The following GABRA3 variants were observed in gnomAD, a reference collection of about 807,000 sequenced individuals.
GABRA3 encodes the protein gamma-aminobutyric acid type A receptor subunit alpha3.
In GABRA3, 10 loss-of-function variants were observed where a neutral mutation model predicts 30.1. That is an observed-to-expected ratio of 0.33 (90% CI 0.20 to 0.56). The LOEUF (loss-of-function observed/expected upper bound fraction) is 0.56. GABRA3 is among the 20% of genes least tolerant of loss of function. GABRA3 has a pLI of 0.89. For synonymous variants in GABRA3, 151 were observed against 146.8 expected (o/e 1.03, Z -0.21); for missense variants, 233 against 392.0 (o/e 0.59, Z 3.42).
intron 1 of GABRA3, among the ~76,000 whole-genome samples, chrX:152,410,230 G>A (rs1005254392): frequency 1.8e-5 from 2 of 111,626 alleles, no homozygotes; most frequent in African/African-American, 3.3e-5. Context: ...GAAGGGTTGT[G>A]GGGGGAAGGA....
At chrX:152,384,774 C>A (rs1929250001) in intron 1 of GABRA3, among the ~76,000 whole-genome samples, 1 of 111,958 alleles carries the variant, frequency 8.9e-6, no homozygotes, top group Non-Finnish European at 1.9e-5. Context: ...AAATTCAGAT[C>A]TCTGTTCATT....
At chrX:152,292,284 A>G (rs1939434939) in intron 3 of GABRA3, among the ~76,000 whole-genome samples, 1 of 110,796 alleles carries the variant, frequency 9.0e-6, no homozygotes, top group Admixed American at 9.6e-5. Context: ...TTTCTTTTAG[A>G]TTTTCTAGTT....
At chrX:152,381,823 A>C (rs1302680673) in intron 1 of GABRA3, among the ~76,000 whole-genome samples, 3 of 110,061 alleles carry the variant, frequency 2.7e-5, no homozygotes, top group African/African-American at 9.9e-5. Context: ...TTCTTGTGTT[A>C]GTTTGCTGAG....
At chrX:152,410,496 C>T (rs775523638) in intron 1 of GABRA3, among the ~76,000 whole-genome samples, 1 of 111,326 alleles carries the variant, frequency 9.0e-6, no homozygotes, top group African/African-American at 3.3e-5. Flanking sequence ...ATATGTATAA[C>T]TATCATGTAT....
intron 5 of GABRA3, among the ~76,000 whole-genome samples, chrX:152,229,759 G>A (rs1938031514): frequency 9.0e-6 from 1 of 110,940 alleles, no homozygotes; most frequent in Non-Finnish European, 1.9e-5. Context: ...CACTATGAGT[G>A]AAATATAGAG....
chrX:152,422,358 A>T (rs1266734075), intron 1 of GABRA3, among the ~76,000 whole-genome samples: 1 of 111,148 alleles, frequency 9.0e-6, no homozygotes, highest in Non-Finnish European at 1.9e-5. Flanking sequence ...AACAAGTGAA[A>T]CTACTATAAG....
At chrX:152,382,725 T>A (rs1253759486) in intron 1 of GABRA3, among the ~76,000 whole-genome samples, 3 of 111,672 alleles carry the variant, frequency 2.7e-5, no homozygotes, top group Non-Finnish European at 5.6e-5. Context: ...CCAATTTCAT[T>A]CTTTGGCATG....
chrX:152,293,054 A>T (rs1939451717), intron 3 of GABRA3, among the ~76,000 whole-genome samples: 1 of 111,267 alleles, frequency 9.0e-6, no homozygotes, highest in African/African-American at 3.3e-5. Flanking sequence ...AGTTCTGTAG[A>T]TGTCTATTAG....
chrX:152,414,169 T>G (rs1429655326), intron 1 of GABRA3, among the ~76,000 whole-genome samples: 2 of 111,431 alleles, frequency 1.8e-5, no homozygotes, highest in African/African-American at 3.3e-5. Context: ...TACAAAAACC[T>G]GTACATGGAT....
At chrX:152,290,383 G>T (rs1337264318) in intron 3 of GABRA3, among the ~76,000 whole-genome samples, 7 of 111,665 alleles carry the variant, frequency 6.3e-5, no homozygotes, top group Non-Finnish European at 1.3e-4. Context: ...TTGTAAATTT[G>T]TTTAAGTTCC....
At chrX:152,225,052 A>T (rs903980929) in intron 5 of GABRA3, among the ~76,000 whole-genome samples, 1 of 110,390 alleles carries the variant, frequency 9.1e-6, no homozygotes, top group African/African-American at 3.3e-5. Context: ...TTTGGATCAT[A>T]TCATCATATC....
rs775842777 is a variant in GABRA3 at position 152,267,729 on chromosome X, T to C, written c.331-11731A>G. ...GGTTTTCTCTTTCTTCATGGTTTAG[T>C]CTTAGTAAGCTGTATGTGTCAAGGA... On this transcript the variant is annotated intron_variant, in intron 4 of 9. Transcript: ENST00000370314. Among the ~76,000 whole-genome samples the C allele has an allele frequency of 9.8e-4, 109 of 111,723 alleles. 2 individuals are homozygous for C. Among genetic ancestry groups the C allele is most frequent in the Non-Finnish European group, 6.8e-4 (36 of 53,093 alleles).
At chrX:152,436,597 T>C (rs1930782754) in intron 1 of GABRA3, among the ~76,000 whole-genome samples, 1 of 112,018 alleles carries the variant, frequency 8.9e-6, no homozygotes. Context: ...AGTCAGTTGA[T>C]TTTGGACAAG....
intron 3 of GABRA3, among the ~76,000 whole-genome samples, chrX:152,287,002 C>T (rs1233038830): frequency 9.0e-6 from 1 of 111,503 alleles, no homozygotes; most frequent in Non-Finnish European, 1.9e-5. Context: ...CCTTCAGACA[C>T]ATTGCCAGGC....
chrX:152,208,879 C>T (rs1249871975), intron 6 of GABRA3, among the ~76,000 whole-genome samples: 1 of 111,563 alleles, frequency 9.0e-6, no homozygotes, highest in Non-Finnish European at 1.9e-5. Flanking sequence ...CCAAATAAAA[C>T]TCTTTTCTTT....
chrX:152,294,425 T>C (rs7064718), intron 3 of GABRA3, among the ~76,000 whole-genome samples: 11,653 of 111,010 alleles, frequency 0.1, 491 homozygotes, highest in South Asian at 0.12. Flanking sequence ...AATTGGCTAC[T>C]GAAGCTTGTG....
At chrX:152,351,523 T>C (rs188392170) in intron 2 of GABRA3, among the ~76,000 whole-genome samples, 1 of 112,306 alleles carries the variant, frequency 8.9e-6, no homozygotes, top group East Asian at 2.8e-4. Context: ...AGTTATAGCA[T>C]TGCTTTGAAT....
intron 3 of GABRA3, among the ~76,000 whole-genome samples, chrX:152,286,975 C>G (rs1569383428): frequency 9.0e-6 from 1 of 111,419 alleles, no homozygotes; most frequent in Non-Finnish European, 1.9e-5. Context: ...CCAGAATATG[C>G]TCCCTTAAGG....
rs182227973 is a variant in GABRA3 at position 152,250,993 on chromosome X, G to T, written c.551+4785C>A. 7 of 222,411 alleles carry T rather than the reference G, an allele frequency of 3.1e-5. No individual in the cohort carries two copies. In the Admixed American group the frequency reaches 3.9e-4, roughly 13 times the overall value. The allele number at this position is 222,411 out of a possible 1,213,427, so 18.3% of individuals were successfully genotyped here. ...TATTATCAGACTAGAGAAAGTGAAC[G>T]GTTTGTGACTTGAGAAAGGTCACTA... On this transcript the variant is annotated intron_variant, in intron 5 of 9. Coordinates refer to ENST00000370314, the MANE Select transcript of GABRA3 (RefSeq NM_000808.4).
Sources: allele counts gnomAD v4.1 joint callset (sites outside exome capture counted in the v4.1 genomes callset), GRCh38; gene constraint gnomAD v4.1.1; transcripts MANE v1.5; gene names NCBI Gene and HGNC (gene_info 2026-07-23, HGNC 2026-07-21).